The following OR11G2 variants were observed in gnomAD, a reference collection of about 807,000 sequenced individuals.
The protein encoded by OR11G2 is olfactory receptor 11G2.
Under a neutral mutation model 0.9 loss-of-function variants are expected in OR11G2, and 2 were observed. That is an observed-to-expected ratio of 2.35 (90% CI 0.96 to 7.38). OR11G2 has a LOEUF of 7.38. OR11G2 is among the 30% of genes most tolerant of loss of function. OR11G2 has a pLI of 0.05. For missense variants in OR11G2, 395 were observed against 371.3 expected (o/e 1.06, Z -0.52); for synonymous variants, 153 against 142.0 (o/e 1.08, Z -0.55).
chr14:20,197,430 A>C lies in OR11G2; in HGVS notation c.-4-4A>C, dbSNP rs565585281. ...GTAATTGCTGGTGCTTTTACAATTC[A>C]CAGGCACATGAAAATCTTCAACAGC... On this transcript the variant is annotated splice_polypyrimidine_tract_variant and splice_region_variant and intron_variant, in intron 1 of 1. Coordinates refer to ENST00000641879, the MANE Select transcript of OR11G2 (RefSeq NM_001386033.1). 7 of 1,613,726 alleles carry C rather than the reference A, an allele frequency of 4.3e-6. No homozygotes were observed.
chr14:20,196,997 T>C (rs1879765355), intron 1 of OR11G2, among the ~76,000 whole-genome samples: 1 of 152,238 alleles, frequency 6.6e-6, no homozygotes, highest in Non-Finnish European at 1.5e-5. Context: ...TTTCACTCAG[T>C]CTCTGCCACA....
In OR11G2 at chr14:20,197,790, TC is replaced by T. The variant is rs747144901; in HGVS notation, c.355del (p.Leu119TrpfsTer22). 1 of 1,614,138 alleles carries T rather than the reference TC, an allele frequency of 6.2e-7. No individual in the cohort carries two copies. On this transcript the variant is annotated frameshift_variant, in exon 2 of 2. Transcript: ENST00000641879. LOFTEE classifies it low-confidence loss of function (END_TRUNC). The part of the protein sequence containing the change: ...FFSLGSTECF[F>X]LAVMAFDRYL... Reference sequence around the variant, plus strand: ...TCCTTGGGCTCTACAGAATGCTTTTTCCTGGCAGTTATGGCATTTGATCGAT... The same window carrying T: ...TCCTTGGGCTCTACAGAATGCTTTTTCTGGCAGTTATGGCATTTGATCGAT...
intron 1 of OR11G2, among the ~76,000 whole-genome samples, chr14:20,196,309 C>G (rs1879752254): frequency 1.3e-5 from 2 of 152,184 alleles, no homozygotes; most frequent in South Asian, 4.1e-4. Flanking sequence ...TTAGGGGCAG[C>G]AGATTCTGCT....
In OR11G2 at chr14:20,197,286, A is replaced by G. The variant is rs975200688; in HGVS notation, c.-4-148A>G. The G allele has an allele frequency of 8.0e-6, 8 of 1,005,194 alleles. 1 individual carries two copies. The highest frequency in any genetic ancestry group is 2.8e-5 in the Admixed American group (1 of 36,144). The allele number at this position is 1,005,194 out of a possible 1,614,324, so 62.3% of individuals were successfully genotyped here. ...TAAAAGAAAAAAAGTGACTATTGAC[A>G]TATCTGCATTCTGTTTTTTACTTTT... On this transcript the variant is annotated intron_variant, in intron 1 of 1. Coordinates refer to ENST00000641879, the MANE Select transcript of OR11G2 (RefSeq NM_001386033.1).
intron 1 of OR11G2, among the ~76,000 whole-genome samples, chr14:20,194,861 T>C (rs2139110370): frequency 6.6e-6 from 1 of 152,314 alleles, no homozygotes; most frequent in South Asian, 2.1e-4. Flanking sequence ...AATGACTAAA[T>C]GCTTAATGTC....
rs1476406687 is a variant in OR11G2, at chr14:20,198,600, ACG to A, written c.*229_*230del. On this transcript the variant is annotated 3_prime_UTR_variant, in exon 2 of 2. Coordinates refer to ENST00000641879, the MANE Select transcript of OR11G2 (RefSeq NM_001386033.1). ...AAAAATTAGCCGGGCGTGGTGGCGG[ACG>A]CCTGTAGTCCCAGCTACTCGGGAGG... 1.1e-5 allele frequency: 3 copies of A among 283,486 alleles called. No individual in the cohort carries two copies. Among genetic ancestry groups the A allele is most frequent in the African/African-American group, 6.6e-5 (3 of 45,396 alleles). 17.6% of individuals were successfully genotyped at this position (283,486 alleles called of 1,614,324 possible).
rs370189177 is a variant in OR11G2 at position 20,198,585 on chromosome 14, C to T, written c.*212C>T. 3 of 314,078 alleles carry T rather than the reference C, an allele frequency of 9.6e-6. No homozygotes were observed. The highest frequency in any genetic ancestry group is 1.3e-4 in the East Asian group (2 of 15,810). The allele number at this position is 314,078 out of a possible 1,614,324, so 19.5% of individuals were successfully genotyped here. ...CTACTAAAAAATACAAAAAATTAGC[C>T]GGGCGTGGTGGCGGACGCCTGTAGT... On this transcript the variant is annotated 3_prime_UTR_variant, in exon 2 of 2. Transcript: ENST00000641879.
chr14:20,195,835 A>C (rs1354588874), intron 1 of OR11G2, among the ~76,000 whole-genome samples: 1 of 152,182 alleles, frequency 6.6e-6, no homozygotes, highest in African/African-American at 2.4e-5. Context: ...TCAACAAGAG[A>C]AAAACAAACA....
Position 20,199,384 on chromosome 14 carries a change from A to G in OR11G2, c.*1011A>G, listed in dbSNP as rs529088852. 2.0e-5 allele frequency: 3 copies of G among 152,308 alleles called. No homozygotes were observed. Among genetic ancestry groups the G allele is most frequent in the Non-Finnish European group, 4.4e-5 (3 of 68,030 alleles). The allele number at this position is 152,308 out of a possible 1,614,324, so 9.4% of individuals were successfully genotyped here. On this transcript the variant is annotated 3_prime_UTR_variant, in exon 2 of 2. Coordinates refer to ENST00000641879, the MANE Select transcript of OR11G2 (RefSeq NM_001386033.1). ...CAACTTTCAAATTCTCTACCTTCTC[A>G]GTTCAGTAAAACTACTGCTTTCTGC...
intron 1 of OR11G2, among the ~76,000 whole-genome samples, chr14:20,192,689 TC>T (rs1174731137): frequency 1.3e-5 from 2 of 152,222 alleles, no homozygotes; most frequent in African/African-American, 4.8e-5. Flanking sequence ...TTGGTAAATA[TC>T]TATCGATGTA....
chr14:20,199,616 T>C lies in OR11G2; in HGVS notation c.*1243T>C, dbSNP rs550941395. ...TATTTTGTCCAGATTTTACTGTTGA[T>C]AGAAATTATTTTGGGTTTAGTACAA... On this transcript the variant is annotated 3_prime_UTR_variant, in exon 2 of 2. Transcript: ENST00000641879. 2 of 152,360 alleles carry C rather than the reference T, an allele frequency of 1.3e-5. No homozygotes were observed. The highest frequency in any genetic ancestry group is 4.1e-4 in the South Asian group (2 of 4,828). The allele number at this position is 152,360 out of a possible 1,614,324, so 9.4% of individuals were successfully genotyped here. A position where few individuals can be genotyped will look rare whatever the true frequency, so the allele number is the denominator to read the frequency against.
intron 1 of OR11G2, among the ~76,000 whole-genome samples, chr14:20,191,934 C>G (rs1273857896): frequency 2.0e-5 from 3 of 147,338 alleles, no homozygotes; most frequent in Non-Finnish European, 4.4e-5. Flanking sequence ...ACTCTGTCAC[C>G]CAAGCTGGAG....
chr14:20,198,015 G>GC lies in OR11G2; in HGVS notation c.579dup (p.Lys194GlnfsTer76), dbSNP rs1879809519. ...CCAGCTCCTCTTCTAACTCTCACTT[G>GC]CAAAAAAGGCCCTGTGATAGAGCTT... On this transcript the variant is annotated frameshift_variant, in exon 2 of 2. Coordinates refer to ENST00000641879, the MANE Select transcript of OR11G2 (RefSeq NM_001386033.1). LOFTEE classifies it low-confidence loss of function (END_TRUNC). The GC allele has an allele frequency of 1.4e-6, 2 of 1,456,660 alleles. No individual in the cohort carries two copies. Among genetic ancestry groups the GC allele is most frequent in the African/African-American group, 1.8e-5 (1 of 54,238 alleles). 90.2% of individuals were successfully genotyped at this position (1,456,660 alleles called of 1,614,324 possible).
At chr14:20,192,917 G>A (rs1240284254) in intron 1 of OR11G2, among the ~76,000 whole-genome samples, 1 of 152,112 alleles carries the variant, frequency 6.6e-6, no homozygotes, top group Non-Finnish European at 1.5e-5. Flanking sequence ...GAGGAAGGGT[G>A]TACATGTTAT....
intron 1 of OR11G2, among the ~76,000 whole-genome samples, chr14:20,196,341 CT>C (rs1391910424): frequency 2.0e-5 from 3 of 152,188 alleles, no homozygotes; most frequent in African/African-American, 7.2e-5. Flanking sequence ...TCCTGGGTCC[CT>C]GTGCCAACTT....
chr14:20,197,278 C>T, intron 1 of OR11G2, 156 bp from the exon 2 acceptor site: 2 of 930,924 alleles, frequency 2.1e-6, no homozygotes, highest in South Asian at 3.5e-5. Flanking sequence ...AAAAAAGTGA[C>T]TATTGACATA....
chr14:20,197,788 T>C lies in OR11G2; in HGVS notation c.351T>C (p.Phe117=), dbSNP rs2139114054. 1.9e-6 allele frequency: 3 copies of C among 1,614,122 alleles called. No individual in the cohort carries two copies. The highest frequency in any genetic ancestry group is 1.7e-6 in the Non-Finnish European group (2 of 1,179,998). Residue 117 remains phenylalanine (F), a synonymous_variant, in exon 2 of 2, where the codon TTT becomes TTC. Coordinates refer to ENST00000641879, the MANE Select transcript of OR11G2 (RefSeq NM_001386033.1). Reference sequence around the variant, plus strand: ...TCTCCTTGGGCTCTACAGAATGCTTTTTCCTGGCAGTTATGGCATTTGATC... The same window carrying C: ...TCTCCTTGGGCTCTACAGAATGCTTCTTCCTGGCAGTTATGGCATTTGATC... ...FFFSLGSTEC[F]FLAVMAFDRY... is the part of the protein sequence containing the mutation.
Position 20,200,106 on chromosome 14 carries a change from A to G in OR11G2, c.*1733A>G, listed in dbSNP as rs1347090977. 6.6e-6 allele frequency: 1 copy of G among 150,804 alleles called. No homozygotes were observed. The highest frequency in any genetic ancestry group is 2.4e-5 in the African/African-American group (1 of 41,094). The allele number at this position is 150,804 out of a possible 1,614,324, so 9.3% of individuals were successfully genotyped here. On this transcript the variant is annotated 3_prime_UTR_variant, in exon 2 of 2. Coordinates refer to ENST00000641879, the MANE Select transcript of OR11G2 (RefSeq NM_001386033.1). ...AATACCTGTTTTTCAGGTTAAATAA[A>G]TAGGAATTGGGAATCAGGGAGCAAT...
At position 20,200,630 on chromosome 14, in the gene OR11G2, C is replaced by G. The variant is rs1183584111; in HGVS notation, c.*2257C>G. 6.6e-6 allele frequency: 1 copy of G among 152,162 alleles called. No individual in the cohort carries two copies. Among genetic ancestry groups the G allele is most frequent in the Admixed American group, 6.5e-5 (1 of 15,274 alleles). 9.4% of individuals were successfully genotyped at this position (152,162 alleles called of 1,614,324 possible). A position where few individuals can be genotyped will look rare whatever the true frequency, so the allele number is the denominator to read the frequency against. ...CTATCAAAATTTAGAAGACACATAT[C>G]CTTTAAAACAGCACCTCAACTTTTA... On this transcript the variant is annotated 3_prime_UTR_variant, in exon 2 of 2. Coordinates refer to ENST00000641879, the MANE Select transcript of OR11G2 (RefSeq NM_001386033.1).
Sources: gnomAD v4.1 joint callset for allele counts (sites outside exome capture counted in the v4.1 genomes callset) on GRCh38, gnomAD v4.1.1 for gene constraint, MANE v1.5 for transcripts, NCBI Gene and HGNC (gene_info 2026-07-23, HGNC 2026-07-21) for gene names.